MEGF11: variants seen among roughly 807,000 people sequenced by gnomAD.
MEGF11 encodes the protein multiple epidermal growth factor-like domains protein 11.
Under a neutral mutation model 146.6 loss-of-function variants are expected in MEGF11, and 126 were observed. That is an observed-to-expected ratio of 0.86 (90% CI 0.74 to 1.00). MEGF11 has a LOEUF of 1.00. Among genes scored for constraint, MEGF11 ranks in the 50% least tolerant of loss-of-function variants. The pLI is 0.00. For missense variants in MEGF11, 1,509 were observed against 1,521.2 expected (o/e 0.99, Z 0.13); for synonymous variants, 532 against 583.4 (o/e 0.91, Z 1.27).
intron 1 of MEGF11, among the ~76,000 whole-genome samples, chr15:66,134,146 T>G (rs1285996087): frequency 6.6e-6 from 1 of 152,036 alleles, no homozygotes; most frequent in Non-Finnish European, 1.5e-5. Flanking sequence ...CTGACATCAG[T>G]CAGGCCCAGA....
intron 4 of MEGF11, among the ~76,000 whole-genome samples, chr15:66,110,460 C>T (rs931440897): frequency 6.6e-5 from 10 of 152,134 alleles, no homozygotes; most frequent in African/African-American, 2.4e-4. Flanking sequence ...GGGGCTCTGT[C>T]GGGGGTGGAC....
At chr15:65,963,572 G>C (rs2080946272) in intron 9 of MEGF11, among the ~76,000 whole-genome samples, 1 of 152,100 alleles carries the variant, frequency 6.6e-6, no homozygotes, top group African/African-American at 2.4e-5. Flanking sequence ...CCTCACTACT[G>C]GTATTGTCTT....
chr15:66,015,013 T>C (rs2082838409), intron 5 of MEGF11, among the ~76,000 whole-genome samples: 1 of 152,056 alleles, frequency 6.6e-6, no homozygotes, highest in Non-Finnish European at 1.5e-5. Flanking sequence ...TTCCATGGTG[T>C]AAATCGTCCC....
chr15:66,239,700 C>T (rs553881782), intron 1 of MEGF11, among the ~76,000 whole-genome samples: 4 of 152,276 alleles, frequency 2.6e-5, no homozygotes, highest in East Asian at 1.9e-4. Context: ...GAGCAGCTTC[C>T]GTACCAGGGT....
intron 23 of MEGF11, among the ~76,000 whole-genome samples, chr15:65,907,003 GT>G (rs772785235): frequency 2.6e-5 from 4 of 152,160 alleles, no homozygotes; most frequent in Non-Finnish European, 5.9e-5. Context: ...GCATTTCTAG[GT>G]TGGGACAGTA....
intron 1 of MEGF11, among the ~76,000 whole-genome samples, chr15:66,211,857 C>A (rs1397990422): frequency 6.6e-6 from 1 of 151,778 alleles, no homozygotes; most frequent in African/African-American, 2.4e-5. Context: ...TACATAACTA[C>A]CCCTGTCAGA....
At chr15:65,992,290 C>T (rs2082066473) in intron 5 of MEGF11, among the ~76,000 whole-genome samples, 1 of 152,164 alleles carries the variant, frequency 6.6e-6, no homozygotes, top group African/African-American at 2.4e-5. Flanking sequence ...CAGAGCCGGG[C>T]ATCTCTCTGC....
intron 5 of MEGF11, among the ~76,000 whole-genome samples, chr15:66,059,627 A>C (rs6494545): frequency 6.6e-6 from 1 of 150,952 alleles, no homozygotes; most frequent in Non-Finnish European, 1.5e-5. Flanking sequence ...CAGTTGCCCC[A>C]GGTTCTTAAA....
At chr15:65,994,395 T>G (rs934146835) in intron 5 of MEGF11, among the ~76,000 whole-genome samples, 10 of 151,872 alleles carry the variant, frequency 6.6e-5, no homozygotes, top group Non-Finnish European at 1.3e-4. Context: ...ACAGGAGCAG[T>G]GGAAGTGGAG....
chr15:66,192,746 G>T (rs1415304133), intron 1 of MEGF11, among the ~76,000 whole-genome samples: 1 of 152,170 alleles, frequency 6.6e-6, no homozygotes, highest in South Asian at 2.1e-4. Flanking sequence ...TATTGGAGAT[G>T]AGGAGCCAGC....
At chr15:66,216,219 C>T (rs1461380625) in intron 1 of MEGF11, among the ~76,000 whole-genome samples, 1 of 152,172 alleles carries the variant, frequency 6.6e-6, no homozygotes, top group Non-Finnish European at 1.5e-5. Flanking sequence ...AGCTGTTGGC[C>T]TGGAGGAGTC....
intron 16 of MEGF11, among the ~76,000 whole-genome samples, chr15:65,917,266 CTG>C (rs1343321959): frequency 1.3e-5 from 2 of 152,190 alleles, no homozygotes; most frequent in Non-Finnish European, 2.9e-5. Flanking sequence ...CGGGTAAACA[CTG>C]TGGTTTACCG....
chr15:66,009,593 GTTTTTT>G (rs757140653), intron 5 of MEGF11, among the ~76,000 whole-genome samples: 3 of 59,304 alleles, frequency 5.1e-5, no homozygotes, highest in African/African-American at 1.5e-4. Context: ...GTCACATATG[GTTTTTT>G]TTTTTTTTTT....
chr15:66,228,086 A>T (rs999841472), intron 1 of MEGF11, among the ~76,000 whole-genome samples: 6 of 152,184 alleles, frequency 3.9e-5, no homozygotes, highest in Non-Finnish European at 8.8e-5. Flanking sequence ...GCTCTCTGCC[A>T]AATGAGGGGG....
intron 1 of MEGF11, among the ~76,000 whole-genome samples, chr15:66,174,979 C>T (rs1178039474): frequency 3.3e-5 from 5 of 152,046 alleles, no homozygotes; most frequent in Non-Finnish European, 7.4e-5. Context: ...AGATTGCTTT[C>T]TTGATTTCTT....
At chr15:65,984,838 G>A (rs1280963793) in intron 5 of MEGF11, among the ~76,000 whole-genome samples, 2 of 151,038 alleles carry the variant, frequency 1.3e-5, no homozygotes, top group Admixed American at 6.6e-5. Context: ...GTGTGATCTC[G>A]GCTCACTGCA....
chr15:66,191,174 G>A (rs7164771), intron 1 of MEGF11, among the ~76,000 whole-genome samples: 120,830 of 152,136 alleles, frequency 0.79, 48,446 homozygotes, highest in African/African-American at 0.9. Context: ...CCCGCCAAAA[G>A]AAATAAACAG....
chr15:66,113,261 C>T (rs563310092), intron 4 of MEGF11, among the ~76,000 whole-genome samples: 69 of 152,238 alleles, frequency 4.5e-4, no homozygotes, highest in African/African-American at 1.6e-3. Flanking sequence ...AACCTATGCT[C>T]CCCAAGCCAG....
At chr15:66,122,130 G>A (rs1328834207) in intron 3 of MEGF11, among the ~76,000 whole-genome samples, 3 of 152,146 alleles carry the variant, frequency 2.0e-5, no homozygotes, top group Non-Finnish European at 4.4e-5. Context: ...GGGTGTGGTG[G>A]TGGGTGCCTG....
Sources: gnomAD v4.1 joint callset for allele counts (sites outside exome capture counted in the v4.1 genomes callset) on GRCh38, gnomAD v4.1.1 for gene constraint, MANE v1.5 for transcripts, NCBI Gene and HGNC (gene_info 2026-07-23, HGNC 2026-07-21) for gene names.